The following ZDHHC2 variants were observed in gnomAD, a reference collection of about 807,000 sequenced individuals.
The protein encoded by ZDHHC2 is palmitoyltransferase ZDHHC2.
In ZDHHC2, 51 loss-of-function variants were observed where a neutral mutation model predicts 55.6. The observed-to-expected ratio is 0.92, with a 90% CI of 0.73 to 1.16. The LOEUF (loss-of-function observed/expected upper bound fraction) is 1.16, where lower values mean the gene tolerates loss of function less well. Among genes scored for constraint, ZDHHC2 ranks in the 50% most tolerant of loss-of-function variants. The pLI, the probability that ZDHHC2 is intolerant of heterozygous loss-of-function variation, is 0.00. For synonymous variants in ZDHHC2, 199 were observed against 152.9 expected (o/e 1.30, Z -2.22); for missense variants, 491 against 442.4 (o/e 1.11, Z -0.99).
At chr8:17,178,722 A>G (rs1227399971) in intron 1 of ZDHHC2, among the ~76,000 whole-genome samples, 1 of 152,238 alleles carries the variant, frequency 6.6e-6, no homozygotes, top group Non-Finnish European at 1.5e-5. Context: ...AGGATGTTTC[A>G]TTCAAGCCAG....
At chr8:17,208,132 C>A (rs545852936) in intron 8 of ZDHHC2, 40 bp downstream of exon 8, 1 of 1,492,434 alleles carries the variant, frequency 6.7e-7, no homozygotes, top group Non-Finnish European at 9.0e-7. Flanking sequence ...ACTTTAAATA[C>A]GTATACCAAC....
chr8:17,167,431 G>A (rs138058342), intron 1 of ZDHHC2, among the ~76,000 whole-genome samples: 2,475 of 150,420 alleles, frequency 0.016, 36 homozygotes, highest in Non-Finnish European at 0.026. Context: ...TCAGCCTCTC[G>A]AGTAGCTGGG....
chr8:17,181,834 T>C (rs959451126), intron 1 of ZDHHC2, among the ~76,000 whole-genome samples: 1 of 152,206 alleles, frequency 6.6e-6, no homozygotes, highest in Non-Finnish European at 1.5e-5. Context: ...ATGTTATCTT[T>C]ATATACATAA....
At chr8:17,210,592 C>T (rs1807330687) in intron 10 of ZDHHC2, 112 bp downstream of exon 10, 3 of 809,402 alleles carry the variant, frequency 3.7e-6, no homozygotes, top group Non-Finnish European at 5.6e-6. Flanking sequence ...AAATTTACTG[C>T]AATGGTTTCC....
At chr8:17,175,179 G>A (rs1052883926) in intron 1 of ZDHHC2, among the ~76,000 whole-genome samples, 4 of 152,134 alleles carry the variant, frequency 2.6e-5, no homozygotes, top group Non-Finnish European at 5.9e-5. Context: ...TCCATAGGGC[G>A]TTGGCATAGG....
rs1418852007 is a variant in ZDHHC2, at chr8:17,195,686, A to C, written c.373+62A>C. 3.1e-6 allele frequency: 5 copies of C among 1,596,652 alleles called. No individual in the cohort carries two copies. The South Asian group carries it at 5.6e-5, about 18-fold the overall frequency. On this transcript the variant is annotated intron_variant, in intron 4 of 12. Coordinates refer to ENST00000262096, the MANE Select transcript of ZDHHC2 (RefSeq NM_016353.5). The stretch of plus-strand genomic sequence containing the variant: ...AAATAACATCATTAAGGTGACTGTA[A>C]GAAAGTGTGTTTATGTACTTGAAAT...
At chr8:17,194,001 A>C (rs958818624) in intron 3 of ZDHHC2, among the ~76,000 whole-genome samples, 5 of 152,058 alleles carry the variant, frequency 3.3e-5, no homozygotes, top group Non-Finnish European at 7.4e-5. Context: ...CCCACTTATG[A>C]GTGAGAACGT....
chr8:17,223,629 TAAAAATTCCTAG>T lies in ZDHHC2; in HGVS notation c.*3410_*3421del, dbSNP rs1386017939. 2.0e-5 allele frequency: 3 copies of T among 151,814 alleles called. No individual in the cohort carries two copies. The highest frequency in any genetic ancestry group is 2.0e-4 in the Admixed American group (3 of 15,222). 9.4% of individuals were successfully genotyped at this position (151,814 alleles called of 1,614,324 possible). On this transcript the variant is annotated 3_prime_UTR_variant, in exon 13 of 13. Transcript: ENST00000262096. ...CATTAGAATTTTCTCACTGTCTTGG[TAAAAATTCCTAG>T]ATTCTACTTTTTATTGCAAGTGTTA...
chr8:17,209,852 A>C, intron 8 of ZDHHC2, 80 bp from the exon 9 acceptor site: 1 of 1,433,690 alleles, frequency 7.0e-7, no homozygotes, highest in Non-Finnish European at 9.2e-7. Flanking sequence ...TTCTTCATTT[A>C]CTTCAATTAT....
At chr8:17,163,185 G>A (rs1396062349) in intron 1 of ZDHHC2, among the ~76,000 whole-genome samples, 2 of 152,176 alleles carry the variant, frequency 1.3e-5, no homozygotes, top group East Asian at 1.9e-4. Context: ...CGGAGCTGAC[G>A]TTGCACCTGA....
chr8:17,178,596 T>C (rs906700060), intron 1 of ZDHHC2, among the ~76,000 whole-genome samples: 12 of 152,216 alleles, frequency 7.9e-5, no homozygotes, highest in Non-Finnish European at 1.2e-4. Flanking sequence ...CATACATGTT[T>C]CAATAAAACT....
chr8:17,204,201 T>C (rs1442192134), intron 6 of ZDHHC2, among the ~76,000 whole-genome samples: 5 of 152,242 alleles, frequency 3.3e-5, no homozygotes, highest in Non-Finnish European at 1.5e-5. Flanking sequence ...CTTATATTTT[T>C]TGAGGGAGAT....
At chr8:17,216,592 A>G (rs938213264) in intron 11 of ZDHHC2, among the ~76,000 whole-genome samples, 1 of 152,290 alleles carries the variant, frequency 6.6e-6, no homozygotes, top group African/African-American at 2.4e-5. Context: ...AATTGTTGAG[A>G]CGTGGAAAAA....
chr8:17,210,572 G>A, intron 10 of ZDHHC2, 92 bp downstream of exon 10: 1 of 1,110,456 alleles, frequency 9.0e-7, no homozygotes, highest in Non-Finnish European at 1.3e-6. Flanking sequence ...AAAAAATGAA[G>A]ACCATAAGAA....
chr8:17,170,004 C>T (rs1177735677), intron 1 of ZDHHC2, among the ~76,000 whole-genome samples: 2 of 152,130 alleles, frequency 1.3e-5, no homozygotes, highest in East Asian at 1.9e-4. Flanking sequence ...CAGATAATGA[C>T]AATGTCAGAT....
chr8:17,181,211 A>G (rs1805415643), intron 1 of ZDHHC2, among the ~76,000 whole-genome samples: 1 of 152,184 alleles, frequency 6.6e-6, no homozygotes, highest in Non-Finnish European at 1.5e-5. Flanking sequence ...TGTGATTCAA[A>G]TTAGTTGTCA....
intron 1 of ZDHHC2, among the ~76,000 whole-genome samples, chr8:17,172,031 C>T (rs1453916694): frequency 6.6e-6 from 1 of 151,994 alleles, no homozygotes; most frequent in African/African-American, 2.4e-5. Flanking sequence ...CTGTGGCGAA[C>T]TATATCCGCA....
rs1808008167 is a variant in ZDHHC2, at chr8:17,223,636, T to A, written c.*3415T>A. ...ATTTTCTCACTGTCTTGGTAAAAAT[T>A]CCTAGATTCTACTTTTTATTGCAAG... is the stretch of plus-strand genomic sequence containing the variant. On this transcript the variant is annotated 3_prime_UTR_variant, in exon 13 of 13. Coordinates refer to ENST00000262096, the MANE Select transcript of ZDHHC2 (RefSeq NM_016353.5). 1.3e-5 allele frequency: 2 copies of A among 151,800 alleles called. 1 individual carries two copies. Among genetic ancestry groups the A allele is most frequent in the South Asian group, 4.1e-4 (2 of 4,832 alleles). The allele number at this position is 151,800 out of a possible 1,614,324, so 9.4% of individuals were successfully genotyped here. A position where few individuals can be genotyped will look rare whatever the true frequency, so the allele number is the denominator to read the frequency against.
intron 8 of ZDHHC2, among the ~76,000 whole-genome samples, 189 bp from the exon 9 acceptor site, chr8:17,209,743 T>G (rs1807282119): frequency 6.6e-6 from 1 of 152,218 alleles, no homozygotes; most frequent in Non-Finnish European, 1.5e-5. Flanking sequence ...AAAATAGGTA[T>G]ATCTTATGAT....
Sources: allele counts gnomAD v4.1 joint callset (sites outside exome capture counted in the v4.1 genomes callset), GRCh38; gene constraint gnomAD v4.1.1; transcripts MANE v1.5; gene names NCBI Gene and HGNC (gene_info 2026-07-23, HGNC 2026-07-21).